CFAP61: variants seen among roughly 807,000 people sequenced by gnomAD.
The protein encoded by CFAP61 is cilia and flagella associated protein 61, also known as cilia- and flagella-associated protein 61.
A neutral mutation model predicts 135.6 loss-of-function variants in CFAP61; 107 were observed. The ratio of observed to expected loss-of-function variants is 0.79; its 90% CI spans 0.67 to 0.93. The LOEUF is 0.93. Among genes scored for constraint, CFAP61 ranks in the 40% least tolerant of loss-of-function variants. The pLI is 0.00. For synonymous variants in CFAP61, 575 were observed against 578.5 expected, an observed-to-expected ratio of 0.99 and a Z score of 0.09; for missense variants, 1,507 against 1,556.2, an observed-to-expected ratio of 0.97 and a Z score of 0.53.
At chr20:20,075,078 G>A (rs1173483481) in intron 4 of CFAP61, 111 bp from the exon 5 acceptor site, 1 of 975,432 alleles carries the variant, frequency 1.0e-6, no homozygotes, top group African/African-American at 1.6e-5. Flanking sequence ...AGGAGCCCAT[G>A]TGGATTTAGG....
intron 22 of CFAP61, among the ~76,000 whole-genome samples, chr20:20,280,482 A>C (rs1423958240): frequency 6.6e-6 from 1 of 152,180 alleles, no homozygotes; most frequent in Non-Finnish European, 1.5e-5. Context: ...GTCACAGTGT[A>C]TGTACCTACT....
At chr20:20,174,430 C>T (rs369715591) in intron 13 of CFAP61, among the ~76,000 whole-genome samples, 2 of 152,236 alleles carry the variant, frequency 1.3e-5, no homozygotes, top group African/African-American at 4.8e-5. Context: ...ATTAGGGGTG[C>T]ACATGCAGTG....
At chr20:20,285,872 G>A (rs1433900226) in intron 22 of CFAP61, among the ~76,000 whole-genome samples, 1 of 148,194 alleles carries the variant, frequency 6.7e-6, no homozygotes, top group Non-Finnish European at 1.5e-5. Flanking sequence ...AGTAAGCTGA[G>A]ATCTTGCCAC....
intron 2 of CFAP61, among the ~76,000 whole-genome samples, chr20:20,068,985 C>G (rs974166398): frequency 6.6e-6 from 1 of 152,168 alleles, no homozygotes; most frequent in African/African-American, 2.4e-5. Flanking sequence ...CCTTGTGATC[C>G]GCCTGCCTTG....
At chr20:20,282,917 C>T (rs1008693197) in intron 22 of CFAP61, among the ~76,000 whole-genome samples, 35 of 144,032 alleles carry the variant, frequency 2.4e-4, no homozygotes, top group African/African-American at 5.2e-4. Context: ...CTAGCCTGGG[C>T]GACAGAGCAA....
intron 16 of CFAP61, 31 bp downstream of exon 16, chr20:20,196,807 C>A: frequency 6.4e-7 from 1 of 1,573,150 alleles, no homozygotes; most frequent in Non-Finnish European, 8.8e-7. Context: ...ACTTTCCCAG[C>A]AGGTCAACGT....
At chr20:20,098,880 C>T (rs773773821) in intron 8 of CFAP61, 66 bp downstream of exon 8, 150 of 1,401,766 alleles carry the variant, frequency 1.1e-4, no homozygotes, top group African/African-American at 7.1e-4. Flanking sequence ...TTGCGCTCTT[C>T]GCTAAGTGAT....
chr20:20,236,328 C>G (rs2049590140), intron 18 of CFAP61, among the ~76,000 whole-genome samples: 1 of 152,134 alleles, frequency 6.6e-6, no homozygotes, highest in Non-Finnish European at 1.5e-5. Flanking sequence ...TTCCAACATG[C>G]AGGTGGGTTT....
rs1233515947 is a variant in CFAP61 at position 20,070,917 on chromosome 20, C to T, written c.207C>T (p.Thr69=). 8.1e-6 allele frequency: 13 copies of T among 1,613,972 alleles called. No individual in the cohort carries two copies. The highest frequency in any genetic ancestry group is 1.1e-5 in the Non-Finnish European group (13 of 1,179,968). Residue 69 remains threonine (T), a synonymous_variant, in exon 3 of 27, where the codon ACC becomes ACT. Transcript: ENST00000245957. ...NDKEEIMAQA[T]FLDYPNWNVA... The stretch of plus-strand genomic sequence containing the variant: ...AGGAGGAGATCATGGCCCAGGCCAC[C>T]TTCCTGGACTACCCCAACTGGAATG...
intron 21 of CFAP61, among the ~76,000 whole-genome samples, chr20:20,269,477 T>C (rs1312679051): frequency 6.6e-6 from 1 of 152,030 alleles, no homozygotes; most frequent in African/African-American, 2.4e-5. Context: ...GCTCAAGTGA[T>C]TCTCCTGCCT....
intron 21 of CFAP61, among the ~76,000 whole-genome samples, chr20:20,274,091 A>G (rs1258755321): frequency 2.0e-5 from 3 of 152,188 alleles, no homozygotes; most frequent in East Asian, 1.9e-4. Context: ...CCATGCTTAT[A>G]TTTTGCTGTA....
At chr20:20,129,538 TC>T (rs1047017511) in intron 8 of CFAP61, among the ~76,000 whole-genome samples, 5 of 151,514 alleles carry the variant, frequency 3.3e-5, no homozygotes, top group Admixed American at 2.0e-4. Flanking sequence ...CTTGGGGGAG[TC>T]TTATTTGAGT....
chr20:20,200,649 T>G, intron 17 of CFAP61: 1 of 929,888 alleles, frequency 1.1e-6, no homozygotes. Context: ...AAAAAAAAAA[T>G]CCCTCAGTGG....
chr20:20,127,801 C>A (rs1170778889), intron 8 of CFAP61, among the ~76,000 whole-genome samples: 1 of 151,606 alleles, frequency 6.6e-6, no homozygotes, highest in Non-Finnish European at 1.5e-5. Context: ...TAGGGAAGGA[C>A]CATCAGGTAG....
chr20:20,316,228 G>T (rs1049374159), intron 25 of CFAP61, among the ~76,000 whole-genome samples: 1 of 152,102 alleles, frequency 6.6e-6, no homozygotes, highest in Non-Finnish European at 1.5e-5. Context: ...GCAGTGGTTT[G>T]TAGTTCTCCT....
chr20:20,352,834 C>G (rs1427383526), intron 26 of CFAP61, among the ~76,000 whole-genome samples: 2 of 152,120 alleles, frequency 1.3e-5, no homozygotes, highest in African/African-American at 4.8e-5. Context: ...CAAAAACAGA[C>G]AAGTGGGTCT....
chr20:20,097,647 A>T (rs974674058), intron 7 of CFAP61, among the ~76,000 whole-genome samples: 2 of 152,212 alleles, frequency 1.3e-5, no homozygotes, highest in African/African-American at 4.8e-5. Context: ...TACTCATCAA[A>T]GACTGAAAAT....
chr20:20,141,356 A>G (rs991291797), intron 8 of CFAP61, among the ~76,000 whole-genome samples: 4 of 152,258 alleles, frequency 2.6e-5, no homozygotes, highest in African/African-American at 9.6e-5. Context: ...TGCTCTTGTC[A>G]TGATGAGAGT....
intron 12 of CFAP61, among the ~76,000 whole-genome samples, chr20:20,167,872 A>G (rs1231748291): frequency 1.3e-5 from 2 of 152,180 alleles, no homozygotes; most frequent in African/African-American, 2.4e-5. Flanking sequence ...CAAAGGGACA[A>G]ATTAGCTTCG....
Sources: gnomAD v4.1 joint callset for allele counts (sites outside exome capture counted in the v4.1 genomes callset) on GRCh38, gnomAD v4.1.1 for gene constraint, MANE v1.5 for transcripts, NCBI Gene and HGNC (gene_info 2026-07-23, HGNC 2026-07-21) for gene names.